Variants in SIPA1L2 observed in about 807,000 individuals in gnomAD.
SIPA1L2 encodes signal-induced proliferation-associated 1-like protein 2.
SIPA1L2 carries 56 observed loss-of-function variants against 163.9 expected under a neutral mutation model. That is an observed-to-expected ratio of 0.34 (90% CI 0.28 to 0.43). The LOEUF (loss-of-function observed/expected upper bound fraction) is 0.43. SIPA1L2 is among the 20% of genes least tolerant of loss of function. The probability of loss-of-function intolerance (pLI) is 1.00; values close to 1 mark genes in which losing one functional copy is unlikely to be tolerated. For missense variants in SIPA1L2, 1,974 were observed against 2,193.5 expected (o/e 0.90, Z 2.00); for synonymous variants, 877 against 865.7 (o/e 1.01, Z -0.23).
At chr1:232,485,493 G>A (rs1416181182) in intron 5 of SIPA1L2, among the ~76,000 whole-genome samples, 2 of 152,292 alleles carry the variant, frequency 1.3e-5, no homozygotes, top group East Asian at 3.9e-4. Context: ...CTAAGTCAAT[G>A]AGATACCACA....
At chr1:232,418,704 G>A (rs1032403735) in intron 18 of SIPA1L2, among the ~76,000 whole-genome samples, 2 of 152,172 alleles carry the variant, frequency 1.3e-5, no homozygotes, top group African/African-American at 4.8e-5. Context: ...TTGTATGGCT[G>A]GCCAAGCAGG....
chr1:232,465,853 A>G lies in SIPA1L2; in HGVS notation c.2244-437T>C, dbSNP rs1664484868. 6.6e-6 allele frequency among the ~76,000 whole-genome samples: 1 copy of G among 151,768 alleles called. No homozygotes were observed. Reference sequence around the variant, plus strand: ...TAAGAGGAGAAAATTTGGGCTTACAAAGAGACACCAGGGATGTATGCACAC... The same window carrying G: ...TAAGAGGAGAAAATTTGGGCTTACAGAGAGACACCAGGGATGTATGCACAC... On this transcript the variant is annotated intron_variant, in intron 8 of 22. Transcript: ENST00000674635. This position sits in a 1 kb window ranked among gnomAD's most constrained non-coding sequence, Gnocchi z 4.1.
At chr1:232,520,017 A>T (rs1667391480) in intron 2 of SIPA1L2, among the ~76,000 whole-genome samples, 1 of 152,200 alleles carries the variant, frequency 6.6e-6, no homozygotes. Context: ...AGCAACATGA[A>T]TATCTTTTCT....
At position 232,547,706 on chromosome 1, in the gene SIPA1L2, C is replaced by T. The variant is rs151069559; in HGVS notation, c.-270+26468G>A. On this transcript the variant is annotated intron_variant, in intron 2 of 22. Transcript: ENST00000674635. Reference sequence around the variant, plus strand: ...AAATCCTACGTTATTCAAAGACTTTCGGAGGCCTCTACAGTGTTTAACGAA... The same window carrying T: ...AAATCCTACGTTATTCAAAGACTTTTGGAGGCCTCTACAGTGTTTAACGAA... Among the ~76,000 whole-genome samples the T allele has an allele frequency of 6.6e-4, 101 of 152,206 alleles. 1 individual carries two copies. The East Asian group carries it at 0.016, about 24-fold the overall frequency.
At chr1:232,467,875 T>A (rs76234026) in intron 8 of SIPA1L2, among the ~76,000 whole-genome samples, 1 of 152,220 alleles carries the variant, frequency 6.6e-6, no homozygotes, top group Non-Finnish European at 1.5e-5. Context: ...TGGTGTCACA[T>A]AGTAAATAAG....
At chr1:232,459,970 A>G (rs1664142142) in intron 10 of SIPA1L2, among the ~76,000 whole-genome samples, 1 of 152,170 alleles carries the variant, frequency 6.6e-6, no homozygotes, top group African/African-American at 2.4e-5. Context: ...ACTTAGAGAG[A>G]GTGTGTGAGT....
chr1:232,526,244 C>T (rs1667700914), intron 2 of SIPA1L2, among the ~76,000 whole-genome samples: 1 of 152,194 alleles, frequency 6.6e-6, no homozygotes, highest in East Asian at 1.9e-4. Context: ...GTCATCCTAC[C>T]AGGGACCCTG....
At chr1:232,468,773 C>T (rs148257759) in intron 8 of SIPA1L2, among the ~76,000 whole-genome samples, 228 of 152,258 alleles carry the variant, frequency 1.5e-3, no homozygotes, top group African/African-American at 5.2e-3. Context: ...TCTCTCATTC[C>T]GTTACTGAGC....
At chr1:232,449,111 C>T (rs1221156499) in intron 10 of SIPA1L2, among the ~76,000 whole-genome samples, 2 of 152,024 alleles carry the variant, frequency 1.3e-5, no homozygotes, top group Non-Finnish European at 2.9e-5. Flanking sequence ...CATGGAACAA[C>T]TAGATCGCTG....
In SIPA1L2 at chr1:232,469,540, G is replaced by A. The variant is rs1017526620; in HGVS notation, c.2243+1831C>T. On this transcript the variant is annotated intron_variant, in intron 8 of 22. Coordinates refer to ENST00000674635, the MANE Select transcript of SIPA1L2 (RefSeq NM_020808.5). ...AGTGATGTTTTTAAGCAAGATCAAC[G>A]AAGCTGATGAGGCACTTCCAAAAAT... Among the ~76,000 whole-genome samples the A allele has an allele frequency of 6.6e-5, 10 of 152,116 alleles. 1 individual carries two copies. Among genetic ancestry groups the A allele is most frequent in the African/African-American group, 2.4e-4 (10 of 41,428 alleles).
chr1:232,569,951 A>G (rs1394305684), intron 2 of SIPA1L2, among the ~76,000 whole-genome samples: 1 of 152,184 alleles, frequency 6.6e-6, no homozygotes, highest in South Asian at 2.1e-4. Context: ...TCCCTCCAAT[A>G]CTTATTTTGA....
At chr1:232,598,509 A>G (rs1264215834) in intron 1 of SIPA1L2, among the ~76,000 whole-genome samples, 1 of 152,240 alleles carries the variant, frequency 6.6e-6, no homozygotes, top group African/African-American at 2.4e-5. Context: ...TAAATTATGC[A>G]GTGTCTTAGC....
intron 2 of SIPA1L2, among the ~76,000 whole-genome samples, chr1:232,534,878 C>A (rs1657208009): frequency 6.6e-6 from 1 of 152,212 alleles, no homozygotes; most frequent in African/African-American, 2.4e-5. Flanking sequence ...TCAAGCACTT[C>A]CCTCGCTATC....
rs1665769633 is a variant in SIPA1L2 at position 232,488,677 on chromosome 1, C to T, written c.1806+2197G>A. Among the ~76,000 whole-genome samples, 5 of 152,270 alleles carry T rather than the reference C, an allele frequency of 3.3e-5. No homozygotes were observed. The South Asian group carries it at 1.0e-3, about 32-fold the overall frequency. ...TGCGTGGTTTTATCAAAGCAGAATC[C>T]CATTTTCTAAATACATTCATTGACA... On this transcript the variant is annotated intron_variant, in intron 5 of 22. Coordinates refer to ENST00000674635, the MANE Select transcript of SIPA1L2 (RefSeq NM_020808.5).
intron 3 of SIPA1L2, among the ~76,000 whole-genome samples, chr1:232,510,762 A>C (rs544112143): frequency 6.6e-6 from 1 of 152,332 alleles, no homozygotes; most frequent in South Asian, 2.1e-4. Context: ...TTAATGAATC[A>C]AATGGTGGTG....
At chr1:232,479,855 G>T in intron 6 of SIPA1L2, 125 bp from the exon 7 acceptor site, 1 of 693,908 alleles carries the variant, frequency 1.4e-6, no homozygotes, top group Non-Finnish European at 2.5e-6. Context: ...ACCAGTATCT[G>T]GATGCTGCCC....
Position 232,567,157 on chromosome 1 carries a change from G to A in SIPA1L2, c.-270+7017C>T, listed in dbSNP as rs1364976565. Among the ~76,000 whole-genome samples, 4 of 152,200 alleles carry A rather than the reference G, an allele frequency of 2.6e-5. No individual in the cohort carries two copies. The East Asian group carries it at 7.7e-4, about 29-fold the overall frequency. ...ATATGACCCTTAGGCAAATCACAAAGCCTCCCTGGGCCTTATTTTTTAAAT... is the reference window on the plus strand; with the variant it reads ...ATATGACCCTTAGGCAAATCACAAAACCTCCCTGGGCCTTATTTTTTAAAT... On this transcript the variant is annotated intron_variant, in intron 2 of 22. Coordinates refer to ENST00000674635, the MANE Select transcript of SIPA1L2 (RefSeq NM_020808.5).
intron 9 of SIPA1L2, among the ~76,000 whole-genome samples, chr1:232,462,706 C>A (rs1480491356): frequency 6.6e-6 from 1 of 152,188 alleles, no homozygotes; most frequent in Non-Finnish European, 1.5e-5. Flanking sequence ...TCTAAGCAAT[C>A]CTATCAAAAG....
At chr1:232,494,036 G>A (rs935944586) in intron 3 of SIPA1L2, among the ~76,000 whole-genome samples, 1 of 152,174 alleles carries the variant, frequency 6.6e-6, no homozygotes, top group Non-Finnish European at 1.5e-5. Flanking sequence ...CCCTCCGTCT[G>A]GGAAAGTCAT....
Sources: gnomAD v4.1 joint callset for allele counts (sites outside exome capture counted in the v4.1 genomes callset) on GRCh38, gnomAD v4.1.1 for gene constraint, Gnocchi (gnomAD v3.1) non-coding constraint, MANE v1.5 for transcripts, NCBI Gene and HGNC (gene_info 2026-07-23, HGNC 2026-07-21) for gene names.